UNC5D: variants seen among roughly 807,000 people sequenced by gnomAD.
UNC5D encodes the protein netrin receptor UNC5D.
UNC5D carries 39 observed loss-of-function variants against 105.4 expected under a neutral mutation model. The ratio of observed to expected loss-of-function variants is 0.37; its 90% confidence interval spans 0.29 to 0.48. The LOEUF (loss-of-function observed/expected upper bound fraction) is 0.48. Among genes scored for constraint, UNC5D ranks in the 20% least tolerant of loss-of-function variants. UNC5D has a pLI of 0.98. For missense variants in UNC5D, 991 were observed against 1,202.4 expected, an observed-to-expected ratio of 0.82 and a Z score of 2.60; for synonymous variants, 452 against 450.4, an observed-to-expected ratio of 1.00 and a Z score of -0.04.
chr8:35,265,596 C>T lies in UNC5D; in HGVS notation c.103+29709C>T, dbSNP rs150298097. On this transcript the variant is annotated intron_variant, in intron 1 of 16. Transcript: ENST00000404895. ...TTATAAAAATAATATGATGGCTGGG[C>T]GCAGTGGCTCAGGCCTGTAATCCCA... is the stretch of plus-strand genomic sequence containing the variant. Among the ~76,000 whole-genome samples, 977 of 152,126 alleles carry T rather than the reference C, an allele frequency of 6.4e-3. 6 individuals carry two copies. The highest frequency in any genetic ancestry group is 0.022 in the African/African-American group (933 of 41,496).
At chr8:35,558,362 A>G (rs1001048114) in intron 2 of UNC5D, among the ~76,000 whole-genome samples, 1 of 152,152 alleles carries the variant, frequency 6.6e-6, no homozygotes, top group Non-Finnish European at 1.5e-5. Context: ...TAGAAATAAT[A>G]GTAACACAAT....
At chr8:35,681,140 A>C (rs1405971496) in intron 4 of UNC5D, among the ~76,000 whole-genome samples, 1 of 152,218 alleles carries the variant, frequency 6.6e-6, no homozygotes, top group Non-Finnish European at 1.5e-5. Context: ...AGCCACAGAC[A>C]GACCAGTTAG....
At chr8:35,252,972 A>G (rs567901661) in intron 1 of UNC5D, among the ~76,000 whole-genome samples, 23 of 152,294 alleles carry the variant, frequency 1.5e-4, no homozygotes, top group African/African-American at 5.1e-4. Context: ...AATTACTAAT[A>G]AAGTTAAAAA....
intron 1 of UNC5D, among the ~76,000 whole-genome samples, chr8:35,237,674 A>G (rs1802557915): frequency 6.6e-6 from 1 of 152,174 alleles, no homozygotes; most frequent in Admixed American, 6.5e-5. Context: ...AGGCTTATTT[A>G]CAACAAATGT....
At chr8:35,341,843 G>T (rs1214212061) in intron 1 of UNC5D, among the ~76,000 whole-genome samples, 3 of 152,082 alleles carry the variant, frequency 2.0e-5, no homozygotes, top group Admixed American at 1.3e-4. Flanking sequence ...GGAAAAAGAT[G>T]TTGTATAGGT....
chr8:35,509,353 T>C (rs1389110604), intron 1 of UNC5D, among the ~76,000 whole-genome samples: 2 of 150,884 alleles, frequency 1.3e-5, no homozygotes, highest in African/African-American at 4.9e-5. Context: ...CCATGGGATG[T>C]AGGGGTACAT....
chr8:35,423,583 A>T (rs1280560790), intron 1 of UNC5D, among the ~76,000 whole-genome samples: 1 of 152,216 alleles, frequency 6.6e-6, no homozygotes, highest in South Asian at 2.1e-4. Flanking sequence ...AATAAACAGG[A>T]AAATGGCAAA....
intron 8 of UNC5D, chr8:35,721,578 A>G (rs1252231271): frequency 2.9e-6 from 2 of 698,392 alleles, no homozygotes; most frequent in Non-Finnish European, 5.2e-6. Flanking sequence ...TGGACTTAAC[A>G]GCACCTGGGA....
intron 1 of UNC5D, among the ~76,000 whole-genome samples, chr8:35,293,105 A>T (rs901739932): frequency 6.6e-6 from 1 of 152,188 alleles, no homozygotes; most frequent in African/African-American, 2.4e-5. Context: ...AAAAGTCTTC[A>T]TCCTTGTTGT....
intron 1 of UNC5D, among the ~76,000 whole-genome samples, chr8:35,331,686 TGAA>T (rs1458332990): frequency 1.3e-5 from 2 of 152,172 alleles, no homozygotes; most frequent in East Asian, 1.9e-4. Flanking sequence ...TCAGTTCTCA[TGAA>T]GAAGATTTGA....
chr8:35,289,478 G>C (rs1159414718), intron 1 of UNC5D, among the ~76,000 whole-genome samples: 3 of 152,140 alleles, frequency 2.0e-5, no homozygotes, highest in Non-Finnish European at 4.4e-5. Context: ...CACTGGAATT[G>C]AATTGTAATT....
chr8:35,332,291 T>C (rs1810685098), intron 1 of UNC5D, among the ~76,000 whole-genome samples: 1 of 152,226 alleles, frequency 6.6e-6, no homozygotes. Context: ...TATTGTACTG[T>C]GATGTAGCAG....
rs189289563 is a variant in UNC5D at position 35,572,876 on chromosome 8, T to A, written c.466+4635T>A. Among the ~76,000 whole-genome samples the A allele has an allele frequency of 9.3e-5, 14 of 150,998 alleles. No individual in the cohort carries two copies. The East Asian group carries it at 2.7e-3, about 30-fold the overall frequency. On this transcript the variant is annotated intron_variant, in intron 3 of 16. Coordinates refer to ENST00000404895, the MANE Select transcript of UNC5D (RefSeq NM_080872.4). Reference sequence around the variant, plus strand: ...TGGAGTGCAGTGGTGCGATCTGGGCTCACTGCAAGCTCCGCCTCCAGGGTT... The same window carrying A: ...TGGAGTGCAGTGGTGCGATCTGGGCACACTGCAAGCTCCGCCTCCAGGGTT...
chr8:35,792,973 T>C lies in UNC5D; in HGVS notation c.*2410T>C, dbSNP rs1001477381. 8.8e-6 allele frequency: 4 copies of C among 453,538 alleles called. No individual in the cohort carries two copies. The highest frequency in any genetic ancestry group is 7.1e-5 in the Admixed American group (3 of 42,050). The allele number at this position is 453,538 out of a possible 1,614,324, so 28.1% of individuals were successfully genotyped here. ...TCTGGAGTTACCTCCCATGGATTTTTTTTTCCTTTGGCCTGGGTTTTATAA... is the reference window on the plus strand; with the variant it reads ...TCTGGAGTTACCTCCCATGGATTTTCTTTTCCTTTGGCCTGGGTTTTATAA... On this transcript the variant is annotated 3_prime_UTR_variant, in exon 17 of 17. Transcript: ENST00000404895.
intron 4 of UNC5D, among the ~76,000 whole-genome samples, chr8:35,620,742 CTTA>C (rs1383294050): frequency 6.6e-6 from 1 of 152,130 alleles, no homozygotes; most frequent in Non-Finnish European, 1.5e-5. Flanking sequence ...TAATTATGCT[CTTA>C]TTATTGGGCT....
At chr8:35,421,238 T>G (rs907580801) in intron 1 of UNC5D, among the ~76,000 whole-genome samples, 1 of 152,170 alleles carries the variant, frequency 6.6e-6, no homozygotes, top group Admixed American at 6.5e-5. Flanking sequence ...CAAACATGAC[T>G]TCTTGGTATC....
chr8:35,339,522 G>A (rs16883845), intron 1 of UNC5D, among the ~76,000 whole-genome samples: 2,184 of 152,302 alleles, frequency 0.014, 30 homozygotes, highest in African/African-American at 0.049. Context: ...GGCATCAAAA[G>A]GTGCAAGGGA....
chr8:35,373,016 T>C (rs1191094952), intron 1 of UNC5D, among the ~76,000 whole-genome samples: 1 of 152,206 alleles, frequency 6.6e-6, no homozygotes, highest in African/African-American at 2.4e-5. Context: ...TTGCTTTAGT[T>C]TGGGGGCCAT....
chr8:35,244,606 G>A (rs1802978792), intron 1 of UNC5D, among the ~76,000 whole-genome samples: 1 of 152,152 alleles, frequency 6.6e-6, no homozygotes, highest in Non-Finnish European at 1.5e-5. Context: ...TGGAGTAATT[G>A]ATGTGTAGAA....
Sources: allele counts gnomAD v4.1 joint callset (sites outside exome capture counted in the v4.1 genomes callset), GRCh38; gene constraint gnomAD v4.1.1; transcripts MANE v1.5; gene names NCBI Gene and HGNC (gene_info 2026-07-23, HGNC 2026-07-21).